The following PLCB1 variants were observed in gnomAD, a reference collection of about 807,000 sequenced individuals.
The protein encoded by PLCB1 is phospholipase C beta 1, also known as 1-phosphatidylinositol 4,5-bisphosphate phosphodiesterase beta-1.
In PLCB1, 46 loss-of-function variants were observed where a neutral mutation model predicts 161.8. That is an observed-to-expected ratio of 0.28 (90% CI 0.22 to 0.36). The LOEUF (loss-of-function observed/expected upper bound fraction) is 0.36. PLCB1 is among the 10% of genes least tolerant of loss of function. The pLI is 1.00. For synonymous variants in PLCB1, 517 were observed against 503.7 expected, an observed-to-expected ratio of 1.03 and a Z score of -0.35; for missense variants, 1,016 against 1,472.5, an observed-to-expected ratio of 0.69 and a Z score of 5.07.
At chr20:8,240,505 C>G (rs1193840872) in intron 2 of PLCB1, among the ~76,000 whole-genome samples, 2 of 151,864 alleles carry the variant, frequency 1.3e-5, no homozygotes, top group African/African-American at 4.8e-5. Context: ...TCACTTTCTC[C>G]TTAAATGGAT....
chr20:8,711,677 T>C (rs1979024283), intron 12 of PLCB1, among the ~76,000 whole-genome samples: 1 of 152,186 alleles, frequency 6.6e-6, no homozygotes, highest in Admixed American at 6.5e-5. Context: ...TCAGCCACCA[T>C]TCTTTCCTGG....
chr20:8,722,538 T>G, intron 15 of PLCB1, 117 bp downstream of exon 15: 1 of 580,498 alleles, frequency 1.7e-6, no homozygotes, highest in Non-Finnish European at 2.9e-6. Context: ...GCCTTCCAAT[T>G]GCCAGCTTCA....
intron 4 of PLCB1, among the ~76,000 whole-genome samples, chr20:8,641,767 C>A (rs576341119): frequency 6.6e-6 from 1 of 152,218 alleles, no homozygotes; most frequent in Non-Finnish European, 1.5e-5. Context: ...AGTTGGTGGC[C>A]ATGGGGAAGA....
At chr20:8,465,561 C>A (rs909544385) in intron 3 of PLCB1, among the ~76,000 whole-genome samples, 76 of 152,102 alleles carry the variant, frequency 5.0e-4, no homozygotes, top group African/African-American at 1.6e-3. Flanking sequence ...TGAAATCATA[C>A]AAATGGAAGC....
chr20:8,456,009 G>T lies in PLCB1; in HGVS notation c.246+84559G>T, dbSNP rs576489665. ...CATGCAGTAAATTATAGGAATACGT[G>T]TTCTGGTTTAATCAATGACTGATCT... On this transcript the variant is annotated intron_variant, in intron 3 of 31. Coordinates refer to ENST00000338037, the MANE Select transcript of PLCB1 (RefSeq NM_015192.4). Among the ~76,000 whole-genome samples the T allele has an allele frequency of 3.3e-5, 5 of 152,302 alleles. No homozygotes were observed. In the South Asian group the frequency reaches 1.0e-3, roughly 32 times the overall value.
intron 2 of PLCB1, among the ~76,000 whole-genome samples, chr20:8,308,176 C>T (rs947807949): frequency 6.6e-6 from 1 of 151,984 alleles, no homozygotes; most frequent in Admixed American, 6.6e-5. Flanking sequence ...GATAGGAAGA[C>T]CTTATTCTAA....
rs547947517 is a variant in PLCB1 at position 8,207,157 on chromosome 20, A to G, written c.177+56786A>G. Among the ~76,000 whole-genome samples, 16 of 152,236 alleles carry G rather than the reference A, an allele frequency of 1.1e-4. 1 individual carries two copies. Among genetic ancestry groups the G allele is most frequent in the African/African-American group, 3.9e-4 (16 of 41,548 alleles). On this transcript the variant is annotated intron_variant, in intron 2 of 31. Transcript: ENST00000338037. ...TCTGCTGTTATATGATATTTATAAA[A>G]TTTTAAAAGTGCAGAAAACAAAAAA...
chr20:8,838,909 A>G (rs916251010), intron 31 of PLCB1, among the ~76,000 whole-genome samples: 1 of 152,220 alleles, frequency 6.6e-6, no homozygotes, highest in Non-Finnish European at 1.5e-5. Context: ...CTTTATTTCC[A>G]TCCTTGTCAA....
chr20:8,839,859 G>A (rs1035767560), intron 31 of PLCB1, among the ~76,000 whole-genome samples: 46 of 151,820 alleles, frequency 3.0e-4, no homozygotes, highest in Middle Eastern at 6.8e-3. Context: ...GGCAAAGCCC[G>A]GTCTCTACTA....
chr20:8,379,043 C>T (rs900048223), intron 3 of PLCB1, among the ~76,000 whole-genome samples: 1 of 152,042 alleles, frequency 6.6e-6, no homozygotes, highest in Admixed American at 6.6e-5. Flanking sequence ...CATAGGTATA[C>T]GCATGCCATG....
chr20:8,760,397 T>A lies in PLCB1; in HGVS notation c.2657-10T>A. Reference sequence around the variant, plus strand: ...TGAAGAGGCTATTTATTTTATCTTTTATATTACAGGTTCTGTAAAGGCACC... The same window carrying A: ...TGAAGAGGCTATTTATTTTATCTTTAATATTACAGGTTCTGTAAAGGCACC... On this transcript the variant is annotated splice_polypyrimidine_tract_variant and intron_variant, in intron 24 of 31. Transcript: ENST00000338037. 1.3e-6 allele frequency: 2 copies of A among 1,575,394 alleles called. No individual in the cohort carries two copies. The highest frequency in any genetic ancestry group is 1.7e-6 in the Non-Finnish European group (2 of 1,147,622).
intron 2 of PLCB1, among the ~76,000 whole-genome samples, chr20:8,291,686 C>T (rs988412588): frequency 3.3e-5 from 5 of 152,226 alleles, no homozygotes; most frequent in Middle Eastern, 3.4e-3. Context: ...GTGTGCTCAC[C>T]GTGTGCCAGA....
At chr20:8,674,451 G>A (rs1209418046) in intron 9 of PLCB1, among the ~76,000 whole-genome samples, 2 of 152,178 alleles carry the variant, frequency 1.3e-5, no homozygotes, top group African/African-American at 2.4e-5. Context: ...AGGGAATCTG[G>A]TCCAAGCTGG....
chr20:8,674,163 C>T (rs1464479208), intron 9 of PLCB1, among the ~76,000 whole-genome samples: 2 of 152,136 alleles, frequency 1.3e-5, no homozygotes, highest in East Asian at 3.9e-4. Context: ...GATGAAGAGA[C>T]CAAAACTAGC....
chr20:8,766,999 G>T (rs959691223), intron 26 of PLCB1, among the ~76,000 whole-genome samples: 1 of 152,150 alleles, frequency 6.6e-6, no homozygotes, highest in African/African-American at 2.4e-5. Context: ...GTTTTAAAAA[G>T]ATCGTAAAAT....
intron 31 of PLCB1, among the ~76,000 whole-genome samples, chr20:8,838,116 G>A (rs1012980895): frequency 6.6e-6 from 1 of 151,812 alleles, no homozygotes; most frequent in Non-Finnish European, 1.5e-5. Context: ...AAAGCATAGA[G>A]TCACTATCCT....
chr20:8,558,138 T>A (rs1986023250), intron 3 of PLCB1, among the ~76,000 whole-genome samples: 1 of 151,896 alleles, frequency 6.6e-6, no homozygotes. Flanking sequence ...AAAAATAATT[T>A]AATTACACAT....
At chr20:8,520,045 C>T (rs1356754333) in intron 3 of PLCB1, among the ~76,000 whole-genome samples, 1 of 152,102 alleles carries the variant, frequency 6.6e-6, no homozygotes, top group Non-Finnish European at 1.5e-5. Context: ...TTTCTCAAAC[C>T]TGGCAGGCCC....
chr20:8,696,533 A>C (rs1990589427), intron 10 of PLCB1, among the ~76,000 whole-genome samples: 2 of 152,142 alleles, frequency 1.3e-5, no homozygotes, highest in African/African-American at 4.8e-5. Context: ...TTTTTCCAAA[A>C]AATCCTGGTG....
Sources: allele counts gnomAD v4.1 joint callset (sites outside exome capture counted in the v4.1 genomes callset), GRCh38; gene constraint gnomAD v4.1.1; transcripts MANE v1.5; gene names NCBI Gene and HGNC (gene_info 2026-07-23, HGNC 2026-07-21).